HYDIN: variants seen among roughly 807,000 people sequenced by gnomAD.
The protein encoded by HYDIN is HYDIN axonemal central pair apparatus protein, also known as axonemal central pair apparatus protein HYDIN.
HYDIN carries 132 observed loss-of-function variants against 403.9 expected under a neutral mutation model. The ratio of observed to expected loss-of-function variants is 0.33; its 90% CI spans 0.28 to 0.38. The LOEUF (loss-of-function observed/expected upper bound fraction) is 0.38, where lower values mean the gene tolerates loss of function less well. Among genes scored for constraint, HYDIN ranks in the 10% least tolerant of loss-of-function variants. The pLI, the probability that HYDIN is intolerant of heterozygous loss-of-function variation, is 1.00. For missense variants in HYDIN, 2,827 were observed against 5,009.5 expected (o/e 0.56, Z 13.15); for synonymous variants, 1,202 against 1,891.7 (o/e 0.64, Z 9.46).
At chr16:70,999,851 G>GT (rs567795160) in intron 23 of HYDIN, among the ~76,000 whole-genome samples, 61 of 152,294 alleles carry the variant, frequency 4.0e-4, no homozygotes, top group African/African-American at 1.3e-3. Context: ...TGTCAGGTGA[G>GT]TAGTGGAGAA....
At chr16:70,962,224 T>C in intron 37 of HYDIN, 86 bp from the exon 38 acceptor site, 2 of 799,052 alleles carry the variant, frequency 2.5e-6, no homozygotes, top group Non-Finnish European at 3.8e-6. Context: ...AAAAAAAAGA[T>C]GAAGAAGAGA....
chr16:70,971,489 T>C (rs2078731854), intron 35 of HYDIN, among the ~76,000 whole-genome samples: 1 of 151,640 alleles, frequency 6.6e-6, no homozygotes, highest in South Asian at 2.1e-4. Context: ...TCAGATTCCA[T>C]CCCTAGAAAT....
chr16:71,225,111 T>C (rs1319392200), intron 1 of HYDIN, among the ~76,000 whole-genome samples: 3 of 152,160 alleles, frequency 2.0e-5, no homozygotes, highest in African/African-American at 4.8e-5. Context: ...CAGATTCCCC[T>C]ATGGGTGATT....
At chr16:70,831,528 C>CAA (rs2036990522) in intron 80 of HYDIN, among the ~76,000 whole-genome samples, 4 of 126,600 alleles carry the variant, frequency 3.2e-5, no homozygotes, top group African/African-American at 1.3e-4. Context: ...AAAAAAAAAA[C>CAA]CAAAAAAAAA....
At chr16:71,157,307 T>C (rs1305823213) in intron 6 of HYDIN, among the ~76,000 whole-genome samples, 1 of 151,912 alleles carries the variant, frequency 6.6e-6, no homozygotes, top group Non-Finnish European at 1.5e-5. Context: ...TGTGGGACAT[T>C]ATTTCTAGCT....
intron 23 of HYDIN, among the ~76,000 whole-genome samples, chr16:70,994,353 G>A (rs1225243842): frequency 6.6e-6 from 1 of 151,870 alleles, no homozygotes; most frequent in Non-Finnish European, 1.5e-5. Context: ...GAATAGCATA[G>A]AGGGTAATCT....
At chr16:71,010,886 G>A (rs2080058650) in intron 23 of HYDIN, among the ~76,000 whole-genome samples, 1 of 152,340 alleles carries the variant, frequency 6.6e-6, no homozygotes, top group East Asian at 1.9e-4. Flanking sequence ...GCAGGGAGGA[G>A]TGACAGGTAG....
chr16:71,047,439 G>A (rs1326657495), intron 18 of HYDIN, among the ~76,000 whole-genome samples: 1 of 148,386 alleles, frequency 6.7e-6, no homozygotes, highest in Non-Finnish European at 1.5e-5. Flanking sequence ...CTCAGGTGGG[G>A]TTGGGGGTGG....
intron 18 of HYDIN, among the ~76,000 whole-genome samples, chr16:71,041,840 G>A (rs7204746): frequency 0.017 from 2,542 of 152,008 alleles, 51 homozygotes; most frequent in African/African-American, 0.057. Flanking sequence ...CAACTTAAAA[G>A]GATATGGTCA....
intron 28 of HYDIN, among the ~76,000 whole-genome samples, chr16:70,983,784 T>C (rs978732937): frequency 2.5e-4 from 38 of 150,994 alleles, no homozygotes; most frequent in Non-Finnish European, 4.6e-4. Flanking sequence ...ATCATAATCA[T>C]TTGGAAATTA....
At chr16:70,909,205 AT>A (rs1196930279) in intron 47 of HYDIN, among the ~76,000 whole-genome samples, 3 of 151,604 alleles carry the variant, frequency 2.0e-5, no homozygotes, top group Admixed American at 2.0e-4. Context: ...ACTTCCTAAT[AT>A]TTTGTTGGCA....
chr16:71,126,711 G>T (rs1383602978), intron 9 of HYDIN, among the ~76,000 whole-genome samples: 3 of 152,120 alleles, frequency 2.0e-5, no homozygotes, highest in African/African-American at 7.2e-5. Flanking sequence ...AGGAAGAACG[G>T]AATTGCCTCG....
chr16:70,944,532 G>T (rs1009246721), intron 41 of HYDIN, among the ~76,000 whole-genome samples: 1 of 152,112 alleles, frequency 6.6e-6, no homozygotes, highest in Non-Finnish European at 1.5e-5. Context: ...CTCTTTCAAC[G>T]CAAGTGTGCT....
intron 24 of HYDIN, 123 bp downstream of exon 24, chr16:70,991,947 A>G: frequency 2.0e-6 from 3 of 1,514,478 alleles, no homozygotes; most frequent in Admixed American, 4.1e-5. Context: ...CATAGAAGAC[A>G]TTTATTAAAC....
intron 67 of HYDIN, among the ~76,000 whole-genome samples, chr16:70,864,716 A>G (rs2143631149): frequency 6.6e-6 from 1 of 151,644 alleles, no homozygotes; most frequent in Admixed American, 6.6e-5. Context: ...TAAAGTGAAG[A>G]AATCTCAGTG....
Position 71,154,922 on chromosome 16 carries a change from G to A in HYDIN, c.717-2139C>T, listed in dbSNP as rs368501044. The stretch of plus-strand genomic sequence containing the variant: ...GGTTATAGTGAGGATTAAAGGGGTT[G>A]ATATAGGTCAAGTGCTTAGAATAAT... On this transcript the variant is annotated intron_variant, in intron 6 of 85. Transcript: ENST00000393567. Among the ~76,000 whole-genome samples the A allele has an allele frequency of 5.1e-3, 674 of 132,440 alleles. 5 individuals are homozygous for A. Among genetic ancestry groups the A allele is most frequent in the African/African-American group, 0.02 (636 of 31,104 alleles). 86.9% of individuals were successfully genotyped at this position (132,440 alleles called of 152,430 possible).
At position 70,807,601 on chromosome 16, in the gene HYDIN, A is replaced by G. The variant is rs1472345900; in HGVS notation, c.15345T>C (p.Tyr5115=). The change falls in exon 86 of 86, where the codon TAT becomes TAC. Residue 5115 remains tyrosine, a synonymous_variant. Transcript: ENST00000393567. ...GSETGVKWVY[Y]LKGITL is the part of the protein sequence containing the mutation. ...ACCACTAAAGGGTGATCCCCTTCAG[A>G]TAATAAACCCATTTAACTCCAGTCT... 1 of 1,613,070 alleles carries G rather than the reference A, an allele frequency of 6.2e-7. No homozygotes were observed. The highest frequency in any genetic ancestry group is 8.5e-7 in the Non-Finnish European group (1 of 1,179,424).
intron 39 of HYDIN, among the ~76,000 whole-genome samples, chr16:70,957,215 C>T (rs2078269528): frequency 6.6e-6 from 1 of 151,486 alleles, no homozygotes; most frequent in Non-Finnish European, 1.5e-5. Context: ...AGTCTGGGTA[C>T]CTCATCTAAG....
intron 28 of HYDIN, among the ~76,000 whole-genome samples, chr16:70,983,803 A>T (rs1398006688): frequency 6.6e-6 from 1 of 151,894 alleles, no homozygotes. Context: ...TAAAAAAAGA[A>T]AAATATATTT....
Sources: gnomAD v4.1 joint callset for allele counts (sites outside exome capture counted in the v4.1 genomes callset) on GRCh38, gnomAD v4.1.1 for gene constraint, MANE v1.5 for transcripts, NCBI Gene and HGNC (gene_info 2026-07-23, HGNC 2026-07-21) for gene names.